CREB5: variants seen among roughly 807,000 people sequenced by gnomAD.
CREB5 encodes cyclic AMP-responsive element-binding protein 5.
Under a neutral mutation model 57.1 loss-of-function variants are expected in CREB5, and 19 were observed. That is an observed-to-expected ratio of 0.33 (90% CI 0.23 to 0.49). The LOEUF (loss-of-function observed/expected upper bound fraction) is 0.49. Among genes scored for constraint, CREB5 ranks in the 20% least tolerant of loss-of-function variants. CREB5 has a pLI of 0.99. For synonymous variants in CREB5, 238 were observed against 238.3 expected, an observed-to-expected ratio of 1.00 and a Z score of 0.01; for missense variants, 579 against 671.6, an observed-to-expected ratio of 0.86 and a Z score of 1.52.
At chr7:28,492,851 T>C (rs981378286) in intron 2 of CREB5, among the ~76,000 whole-genome samples, 1 of 151,930 alleles carries the variant, frequency 6.6e-6, no homozygotes, top group Non-Finnish European at 1.5e-5. Flanking sequence ...ACTAGGCAAC[T>C]CAGTCTCTAA....
At position 28,739,332 on chromosome 7, in the gene CREB5, C is replaced by T. The variant is rs114819588; in HGVS notation, c.702+15000C>T. 5.4e-3 allele frequency among the ~76,000 whole-genome samples: 824 copies of T among 152,294 alleles called. 8 individuals are homozygous for T. Among genetic ancestry groups the T allele is most frequent in the African/African-American group, 0.019 (775 of 41,552 alleles). On this transcript the variant is annotated intron_variant, in intron 7 of 10. Coordinates refer to ENST00000357727, the MANE Select transcript of CREB5 (RefSeq NM_182898.4). ...CATATGGGCCCACATAGATAAGGAA[C>T]ATTTCCATCGTGTCTGTTCAGTAGC...
At chr7:28,356,624 C>A (rs1786350032) in intron 1 of CREB5, among the ~76,000 whole-genome samples, 3 of 152,190 alleles carry the variant, frequency 2.0e-5, no homozygotes, top group Admixed American at 2.0e-4. Flanking sequence ...CCAAAGGAAT[C>A]ACTTGAATAA....
chr7:28,601,394 G>A (rs889507959), intron 5 of CREB5, among the ~76,000 whole-genome samples: 2 of 152,110 alleles, frequency 1.3e-5, no homozygotes, highest in South Asian at 4.2e-4. Context: ...GGTAGAGGTC[G>A]TGCAGTGTTA....
chr7:28,327,320 A>G (rs1318057708), intron 1 of CREB5, among the ~76,000 whole-genome samples: 1 of 152,182 alleles, frequency 6.6e-6, no homozygotes, highest in African/African-American at 2.4e-5. Context: ...CTTCCAACCC[A>G]TGAATCTGCA....
At chr7:28,643,753 G>GT (rs1024658600) in intron 5 of CREB5, among the ~76,000 whole-genome samples, 7 of 90,530 alleles carry the variant, frequency 7.7e-5, no homozygotes, top group South Asian at 4.2e-4. Flanking sequence ...TTGGGAGGTG[G>GT]GGGGGGGCGG....
chr7:28,459,759 C>G (rs565763244), intron 1 of CREB5, among the ~76,000 whole-genome samples: 27 of 152,296 alleles, frequency 1.8e-4, no homozygotes, highest in South Asian at 8.3e-4. Context: ...TTGACTGGCT[C>G]TGTCATGTTG....
intron 1 of CREB5, among the ~76,000 whole-genome samples, chr7:28,319,571 C>A (rs187631176): frequency 1.3e-5 from 2 of 152,076 alleles, no homozygotes; most frequent in Non-Finnish European, 2.9e-5. Context: ...CAGTGCCTTT[C>A]GGTGTTCATC....
intron 4 of CREB5, among the ~76,000 whole-genome samples, chr7:28,561,086 C>A (rs934812365): frequency 3.9e-5 from 6 of 151,988 alleles, no homozygotes; most frequent in Non-Finnish European, 8.8e-5. Flanking sequence ...CCCTTCTCTT[C>A]CCTACTTTTC....
chr7:28,768,183 G>A (rs1324417462), intron 7 of CREB5, among the ~76,000 whole-genome samples: 2 of 152,130 alleles, frequency 1.3e-5, no homozygotes, highest in African/African-American at 4.8e-5. Context: ...TGAATGTGCA[G>A]GGAAGGGACC....
chr7:28,535,853 C>T (rs1198087921), intron 4 of CREB5, among the ~76,000 whole-genome samples: 12 of 152,118 alleles, frequency 7.9e-5, no homozygotes, highest in Admixed American at 7.9e-4. Flanking sequence ...GCTGTGCTAA[C>T]TTCTGTCCCA....
At chr7:28,609,308 G>A (rs575772529) in intron 5 of CREB5, among the ~76,000 whole-genome samples, 16 of 152,156 alleles carry the variant, frequency 1.1e-4, no homozygotes, top group Admixed American at 2.0e-4. Flanking sequence ...TTTGGACAGT[G>A]CTGGGCTGCC....
chr7:28,434,531 A>C (rs998761561), intron 1 of CREB5, among the ~76,000 whole-genome samples: 1 of 152,176 alleles, frequency 6.6e-6, no homozygotes, highest in African/African-American at 2.4e-5. Context: ...CTCCAAGAAG[A>C]GACAATACAG....
At chr7:28,605,316 G>A (rs556721185) in intron 5 of CREB5, among the ~76,000 whole-genome samples, 1 of 152,264 alleles carries the variant, frequency 6.6e-6, no homozygotes, top group Non-Finnish European at 1.5e-5. Flanking sequence ...AAAACAGCTC[G>A]TAATTGCTTT....
chr7:28,426,647 A>G (rs1788523016), intron 1 of CREB5, among the ~76,000 whole-genome samples: 1 of 152,238 alleles, frequency 6.6e-6, no homozygotes, highest in Non-Finnish European at 1.5e-5. Flanking sequence ...GGCCCATCTC[A>G]GTCATCATCT....
intron 1 of CREB5, among the ~76,000 whole-genome samples, chr7:28,379,252 GT>G (rs1209144934): frequency 6.6e-6 from 1 of 152,298 alleles, no homozygotes; most frequent in East Asian, 1.9e-4. Context: ...AAAGGGTAAA[GT>G]TACAGGATAA....
In CREB5 at chr7:28,547,418, G is replaced by A. The variant is rs767565434; in HGVS notation, c.292-22947G>A. The stretch of plus-strand genomic sequence containing the variant: ...AAATATGAATAGAAATCCAAAAAGA[G>A]AAAGTCAGTAGGCTGGAAACTCAGG... On this transcript the variant is annotated intron_variant, in intron 4 of 10. Transcript: ENST00000357727. 7.4e-4 allele frequency among the ~76,000 whole-genome samples: 112 copies of A among 152,268 alleles called. 2 individuals carry two copies. The highest frequency in any genetic ancestry group is 7.2e-4 in the Admixed American group (11 of 15,292).
chr7:28,810,409 C>T (rs961448694), intron 9 of CREB5, among the ~76,000 whole-genome samples: 1 of 152,074 alleles, frequency 6.6e-6, no homozygotes, highest in Admixed American at 6.6e-5. Flanking sequence ...GGTCCGGGCG[C>T]AGTGGCCTAC....
intron 5 of CREB5, among the ~76,000 whole-genome samples, chr7:28,708,290 T>TGCA (rs2128741893): frequency 6.6e-6 from 1 of 152,210 alleles, no homozygotes; most frequent in East Asian, 1.9e-4. Context: ...GCATAGTCCA[T>TGCA]GCATGTAGTC....
At chr7:28,668,740 C>G (rs1799922984) in intron 5 of CREB5, among the ~76,000 whole-genome samples, 2 of 152,108 alleles carry the variant, frequency 1.3e-5, no homozygotes, top group African/African-American at 2.4e-5. Flanking sequence ...GATATTATTT[C>G]TATAATTTCA....
Sources: gnomAD v4.1 joint callset for allele counts (sites outside exome capture counted in the v4.1 genomes callset) on GRCh38, gnomAD v4.1.1 for gene constraint, MANE v1.5 for transcripts, NCBI Gene and HGNC (gene_info 2026-07-23, HGNC 2026-07-21) for gene names.